CTNNA2: variants seen among roughly 807,000 people sequenced by gnomAD.
CTNNA2 encodes the protein catenin alpha-2.
In CTNNA2, 42 loss-of-function variants were observed where a neutral mutation model predicts 101.0. The observed-to-expected ratio is 0.42, with a 90% CI of 0.32 to 0.54. The LOEUF (loss-of-function observed/expected upper bound fraction) is 0.54, where lower values mean the gene tolerates loss of function less well. Among genes scored for constraint, CTNNA2 ranks in the 20% least tolerant of loss-of-function variants. CTNNA2 has a pLI of 0.14. For synonymous variants in CTNNA2, 450 were observed against 456.4 expected (o/e 0.99, Z 0.18); for missense variants, 871 against 1,223.1 (o/e 0.71, Z 4.29).
chr2:80,443,414 G>A (rs1276628116), intron 9 of CTNNA2, among the ~76,000 whole-genome samples: 1 of 152,130 alleles, frequency 6.6e-6, no homozygotes, highest in East Asian at 1.9e-4. Context: ...CTGTCTATGA[G>A]CTCAGCATTG....
At chr2:79,275,365 T>TA (rs1558596304) in intron 2 of CTNNA2, among the ~76,000 whole-genome samples, 1 of 151,872 alleles carries the variant, frequency 6.6e-6, no homozygotes, top group Non-Finnish European at 1.5e-5. Flanking sequence ...CAACACATCA[T>TA]AAAAAAATAC....
intron 4 of CTNNA2, among the ~76,000 whole-genome samples, chr2:79,432,274 T>C (rs1678666809): frequency 6.6e-6 from 1 of 152,134 alleles, no homozygotes; most frequent in Admixed American, 6.5e-5. Flanking sequence ...GTTATCATGA[T>C]CATTTAATGG....
At chr2:80,640,765 C>A (rs1377729931) in intron 18 of CTNNA2, among the ~76,000 whole-genome samples, 1 of 152,058 alleles carries the variant, frequency 6.6e-6, no homozygotes, top group Non-Finnish European at 1.5e-5. Context: ...TGACTTGTAG[C>A]AAAATTTTTT....
At chr2:80,124,860 G>A (rs995257020) in intron 7 of CTNNA2, among the ~76,000 whole-genome samples, 1 of 152,058 alleles carries the variant, frequency 6.6e-6, no homozygotes, top group Admixed American at 6.6e-5. Flanking sequence ...GAAACATGTC[G>A]AGGTCACTGA....
intron 2 of CTNNA2, among the ~76,000 whole-genome samples, chr2:79,230,448 A>AACTGAGGTT: frequency 6.6e-6 from 1 of 152,226 alleles, no homozygotes; most frequent in East Asian, 1.9e-4. Flanking sequence ...AGAAGTCAAG[A>AACTGAGGTT]ACTGAGGTTT....
intron 15 of CTNNA2, among the ~76,000 whole-genome samples, chr2:80,593,648 T>A (rs1370722006): frequency 1.3e-5 from 2 of 152,196 alleles, no homozygotes; most frequent in Non-Finnish European, 1.5e-5. Flanking sequence ...ACTTACTGAA[T>A]GTAAACTCCC....
chr2:79,923,180 C>T lies in CTNNA2; in HGVS notation c.1056+13383C>T, dbSNP rs190508098. 1.4e-4 allele frequency among the ~76,000 whole-genome samples: 21 copies of T among 152,068 alleles called. 1 individual carries two copies. The East Asian group carries it at 2.5e-3, about 18-fold the overall frequency. ...TGTTAATGCAGCTAATGCAGAAAAT[C>T]GTATATTTTTCAAGAATACAGAATT... On this transcript the variant is annotated intron_variant, in intron 7 of 18. Coordinates refer to ENST00000402739, the MANE Select transcript of CTNNA2 (RefSeq NM_001282597.3).
intron 9 of CTNNA2, among the ~76,000 whole-genome samples, chr2:80,464,829 T>A (rs1019057348): frequency 6.6e-6 from 1 of 152,130 alleles, no homozygotes. Context: ...AGGTGAAGAA[T>A]CTGAGGCACA....
At chr2:79,669,795 C>G (rs6743921) in intron 2 of CTNNA2, among the ~76,000 whole-genome samples, 50,515 of 152,072 alleles carry the variant, frequency 0.33, 9,183 homozygotes, top group East Asian at 0.7. Context: ...TGGCCATGCT[C>G]TGCCCTGTTC....
At chr2:79,764,545 T>C (rs1054924812) in intron 3 of CTNNA2, among the ~76,000 whole-genome samples, 10 of 152,180 alleles carry the variant, frequency 6.6e-5, no homozygotes, top group Admixed American at 1.3e-4. Context: ...TTTATAACAT[T>C]ACATCCTTAA....
chr2:80,005,769 ATTTG>A (rs1195870040), intron 7 of CTNNA2, among the ~76,000 whole-genome samples: 3 of 92,592 alleles, frequency 3.2e-5, no homozygotes, highest in African/African-American at 9.6e-5. Flanking sequence ...CACTATGTTT[ATTTG>A]TTTTTTTTTT....
intron 7 of CTNNA2, among the ~76,000 whole-genome samples, chr2:80,020,467 A>G (rs1694478445): frequency 6.6e-6 from 1 of 152,190 alleles, no homozygotes; most frequent in African/African-American, 2.4e-5. Flanking sequence ...AAGTCCCAAA[A>G]TGATGCTTTT....
At chr2:80,330,348 C>A (rs560791000) in intron 7 of CTNNA2, among the ~76,000 whole-genome samples, 1 of 152,298 alleles carries the variant, frequency 6.6e-6, no homozygotes, top group African/African-American at 2.4e-5. Flanking sequence ...AGAGGCCATG[C>A]CCACAGATAA....
intron 7 of CTNNA2, among the ~76,000 whole-genome samples, chr2:80,125,976 G>A (rs1490095089): frequency 1.3e-5 from 2 of 152,248 alleles, no homozygotes; most frequent in Middle Eastern, 3.4e-3. Flanking sequence ...ATAATGATTG[G>A]AAAGTGCTTA....
At chr2:79,289,599 G>A (rs6730065) in intron 2 of CTNNA2, among the ~76,000 whole-genome samples, 16,267 of 152,014 alleles carry the variant, frequency 0.11, 896 homozygotes, top group Non-Finnish European at 0.12. Flanking sequence ...ACAAAAATTA[G>A]CCAGGCGTAG....
upstream of CTNNA2, among the ~76,000 whole-genome samples, chr2:79,509,716 A>T (rs1386383880): frequency 6.6e-6 from 1 of 152,230 alleles, no homozygotes; most frequent in African/African-American, 2.4e-5. Flanking sequence ...CAAAATGTAC[A>T]AAACCAAGAG....
chr2:79,595,224 T>C (rs148731652), intron 1 of CTNNA2, among the ~76,000 whole-genome samples: 1 of 152,308 alleles, frequency 6.6e-6, no homozygotes, highest in East Asian at 1.9e-4. Flanking sequence ...AGGTCTTCAT[T>C]CTATTTCCTA....
At chr2:80,337,617 A>G (rs1671871670) in intron 7 of CTNNA2, among the ~76,000 whole-genome samples, 1 of 151,838 alleles carries the variant, frequency 6.6e-6, no homozygotes, top group Non-Finnish European at 1.5e-5. Context: ...ACACACACAA[A>G]TACACACACA....
chr2:80,430,066 T>A (rs1438718035), intron 9 of CTNNA2, among the ~76,000 whole-genome samples: 2 of 152,212 alleles, frequency 1.3e-5, no homozygotes, highest in Non-Finnish European at 2.9e-5. Context: ...AACCTTCCAA[T>A]GGACTCAAAT....
Sources: allele counts gnomAD v4.1 joint callset (sites outside exome capture counted in the v4.1 genomes callset), GRCh38; gene constraint gnomAD v4.1.1; transcripts MANE v1.5; gene names NCBI Gene and HGNC (gene_info 2026-07-23, HGNC 2026-07-21).